The following NOS3 variants were observed in gnomAD, a reference collection of about 807,000 sequenced individuals.
NOS3 encodes nitric oxide synthase 3, also known as NOS type III.
NOS3 carries 98 observed loss-of-function variants against 144.9 expected under a neutral mutation model. The ratio of observed to expected loss-of-function variants is 0.68; its 90% CI spans 0.57 to 0.80. The LOEUF (loss-of-function observed/expected upper bound fraction) is 0.80. NOS3 is among the 30% of genes least tolerant of loss of function. The pLI, the probability that NOS3 is intolerant of heterozygous loss-of-function variation, is 0.00. For synonymous variants in NOS3, 714 were observed against 702.4 expected (o/e 1.02, Z -0.26); for missense variants, 1,465 against 1,656.4 (o/e 0.88, Z 2.01).
rs777962214 is a variant in NOS3, at chr7:151,003,560, T to G, written c.1752+1256T>G. 6 of 1,299,894 alleles carry G rather than the reference T, an allele frequency of 4.6e-6. No individual in the cohort carries two copies. Among genetic ancestry groups the G allele is most frequent in the Non-Finnish European group, 6.1e-6 (6 of 985,240 alleles). 80.5% of individuals were successfully genotyped at this position (1,299,894 alleles called of 1,614,324 possible). A position where few individuals can be genotyped will look rare whatever the true frequency, so the allele number is the denominator to read the frequency against. On this transcript the variant is annotated intron_variant, in intron 14 of 26. Transcript: ENST00000297494. This position sits in a 1 kb window ranked among gnomAD's most constrained non-coding sequence, Gnocchi z 4.1. ...GACTTTTTTTTAGCATAAAGGTGTA[T>G]AGACACCCATATAACCTACAGCCTT...
In NOS3 at chr7:151,010,813, G is replaced by A. The variant is rs1465544397; in HGVS notation, c.2896+6G>A. The A allele has an allele frequency of 4.3e-6, 7 of 1,609,428 alleles. No homozygotes were observed. The highest frequency in any genetic ancestry group is 5.9e-6 in the Non-Finnish European group (7 of 1,177,884). ...GCTGGCATACAGGACTCAGGGTGAG[G>A]CAACAAGCAGGAGCAGGCCTGGCCA... On this transcript the variant is annotated splice_donor_region_variant and intron_variant, in intron 22 of 26. Coordinates refer to ENST00000297494, the MANE Select transcript of NOS3 (RefSeq NM_000603.5).
Position 150,993,553 on chromosome 7 carries a change from A to G in NOS3, c.-51-200A>G, listed in dbSNP as rs1802299728. On this transcript the variant is annotated intron_variant, in intron 1 of 26. Transcript: ENST00000297494. The surrounding 1 kb of genome is among the most constrained non-coding windows in gnomAD (Gnocchi z 4.0). ...CTGCTGGACACCTGGGCTCCCACTT[A>G]TCAGCCTCAGTCCTCACAGCGGAAC... is the stretch of plus-strand genomic sequence containing the variant. Among the ~76,000 whole-genome samples, 1 of 151,754 alleles carries G rather than the reference A, an allele frequency of 6.6e-6. No individual in the cohort carries two copies. Among genetic ancestry groups the G allele is most frequent in the African/African-American group, 2.4e-5 (1 of 41,290 alleles).
chr7:151,011,312 C>G (rs1019640728), intron 23 of NOS3, among the ~76,000 whole-genome samples: 4 of 151,970 alleles, frequency 2.6e-5, no homozygotes, highest in African/African-American at 9.7e-5. Context: ...CTGGGAACTA[C>G]AGTCACTAAA....
intron 2 of NOS3, 115 bp from the exon 3 acceptor site, chr7:150,995,088 T>C: frequency 1.7e-6 from 1 of 593,678 alleles, no homozygotes; most frequent in Admixed American, 2.9e-5. Context: ...CCAGAAGGCA[T>C]GCGGCAGGTG....
At position 151,002,787 on chromosome 7, in the gene NOS3, G is replaced by A; in HGVS notation, c.1752+483G>A. The A allele has an allele frequency of 4.8e-6, 1 of 207,878 alleles. No individual in the cohort carries two copies. 12.9% of individuals were successfully genotyped at this position (207,878 alleles called of 1,614,324 possible). ...CCACAGAGCTGTACATTTACAACAT[G>A]TGCAACACTATTCCAGCATTTTATT... On this transcript the variant is annotated intron_variant, in intron 14 of 26. Coordinates refer to ENST00000297494, the MANE Select transcript of NOS3 (RefSeq NM_000603.5). The surrounding 1 kb of genome is among the most constrained non-coding windows in gnomAD (Gnocchi z 4.1).
rs757966114 is a variant in NOS3, at chr7:150,999,044, G to GC, written c.921dup (p.Glu308ArgfsTer5). The GC allele has an allele frequency of 6.2e-6, 10 of 1,612,514 alleles. No individual in the cohort carries two copies. Among genetic ancestry groups the GC allele is most frequent in the Non-Finnish European group, 8.5e-6 (10 of 1,179,870 alleles). ...ATGATCCCCCAGAACTCTTCCTTCT[G>GC]CCCCCCGAGCTGGTCCTTGAGGTGC... On this transcript the variant is annotated frameshift_variant, in exon 8 of 27. Coordinates refer to ENST00000297494, the MANE Select transcript of NOS3 (RefSeq NM_000603.5). LOFTEE classifies it high-confidence loss of function.
chr7:151,013,774 C>A lies in NOS3; in HGVS notation c.3306C>A (p.Arg1102=), dbSNP rs1223823596. Residue 1102 remains arginine, a synonymous_variant, in exon 26 of 27, where the codon CGC becomes CGA. Coordinates refer to ENST00000297494, the MANE Select transcript of NOS3 (RefSeq NM_000603.5). ...LRTELAAEVH[R]VLCLERGHMF... ...CGGAGCTGGCTGCGGAGGTGCACCG[C>A]GTGCTGTGCCTCGAGCGGGGCCACA... The A allele has an allele frequency of 6.2e-7, 1 of 1,611,558 alleles. No individual in the cohort carries two copies. The highest frequency in any genetic ancestry group is 8.5e-7 in the Non-Finnish European group (1 of 1,179,386).
At position 151,000,410 on chromosome 7, in the gene NOS3, G is replaced by A. The variant is rs1481800447; in HGVS notation, c.1132-88G>A. 1.3e-5 allele frequency: 11 copies of A among 860,610 alleles called. No individual in the cohort carries two copies. In the Admixed American group the frequency reaches 1.8e-4, roughly 14 times the overall value. 53.3% of individuals were successfully genotyped at this position (860,610 alleles called of 1,614,324 possible). A position where few individuals can be genotyped will look rare whatever the true frequency, so the allele number is the denominator to read the frequency against. On this transcript the variant is annotated intron_variant, in intron 9 of 26. Transcript: ENST00000297494. ...GACACCACTCACCTCACTCCTTCCA[G>A]CCATGTACGGGAAACAGAGATAGTC...
At position 151,003,896 on chromosome 7, in the gene NOS3, C is replaced by T. The variant is rs904223350; in HGVS notation, c.1752+1592C>T. The T allele has an allele frequency of 2.7e-5, 10 of 365,444 alleles. No homozygotes were observed. The highest frequency in any genetic ancestry group is 1.0e-4 in the Admixed American group (3 of 29,132). 22.6% of individuals were successfully genotyped at this position (365,444 alleles called of 1,614,324 possible). A position where few individuals can be genotyped will look rare whatever the true frequency, so the allele number is the denominator to read the frequency against. ...GGTGACACTTGGGCTGTTTCCAGGT[C>T]GGGGCTATTATGAATAAACCTGTTA... On this transcript the variant is annotated intron_variant, in intron 14 of 26. Transcript: ENST00000297494. This position sits in a 1 kb window ranked among gnomAD's most constrained non-coding sequence, Gnocchi z 4.1.
In NOS3 at chr7:150,993,423, G is replaced by T. The variant is rs764012820; in HGVS notation, c.-51-330G>T. ...AAGGCACACAGGGGTGAGGCCGAAG[G>T]CCCTTCCGTCTGGTGCCACATCACA... is the stretch of plus-strand genomic sequence containing the variant. On this transcript the variant is annotated intron_variant, in intron 1 of 26. Coordinates refer to ENST00000297494, the MANE Select transcript of NOS3 (RefSeq NM_000603.5). The surrounding 1 kb of genome is among the most constrained non-coding windows in gnomAD (Gnocchi z 4.0). Among the ~76,000 whole-genome samples the T allele has an allele frequency of 5.9e-4, 90 of 152,258 alleles. No individual in the cohort carries two copies. The highest frequency in any genetic ancestry group is 8.7e-4 in the Non-Finnish European group (59 of 67,998).
At position 151,003,035 on chromosome 7, in the gene NOS3, G is replaced by A; in HGVS notation, c.1752+731G>A. On this transcript the variant is annotated intron_variant, in intron 14 of 26. Coordinates refer to ENST00000297494, the MANE Select transcript of NOS3 (RefSeq NM_000603.5). The surrounding 1 kb of genome is among the most constrained non-coding windows in gnomAD (Gnocchi z 4.1). ...TCTTGCAAGCTTAGGTATCTCTGAGGTGCCCCAGGCTAGGCTCATTTCTGA... is the reference window on the plus strand; with the variant it reads ...TCTTGCAAGCTTAGGTATCTCTGAGATGCCCCAGGCTAGGCTCATTTCTGA... The A allele has an allele frequency of 3.2e-6, 1 of 311,744 alleles. No individual in the cohort carries two copies. Among genetic ancestry groups the A allele is most frequent in the Non-Finnish European group, 6.3e-6 (1 of 158,318 alleles). The allele number at this position is 311,744 out of a possible 1,614,324, so 19.3% of individuals were successfully genotyped here.
rs1349149913 is a variant in NOS3, at chr7:150,993,628, C to G, written c.-51-125C>G. 1.6e-6 allele frequency: 1 copy of G among 631,278 alleles called. No homozygotes were observed. 39.1% of individuals were successfully genotyped at this position (631,278 alleles called of 1,614,324 possible). A position where few individuals can be genotyped will look rare whatever the true frequency, so the allele number is the denominator to read the frequency against. On this transcript the variant is annotated intron_variant, in intron 1 of 26. Coordinates refer to ENST00000297494, the MANE Select transcript of NOS3 (RefSeq NM_000603.5). This position sits in a 1 kb window ranked among gnomAD's most constrained non-coding sequence, Gnocchi z 4.0. ...CAGGCCAGCGGGCGTGGAGCTGAGG[C>G]TTTAGAGCCTCCCAGCCGGGCTTGT...
At chr7:150,995,461 G>A (rs1165031713) in intron 3 of NOS3, 147 bp downstream of exon 3, 4 of 585,518 alleles carry the variant, frequency 6.8e-6, no homozygotes, top group African/African-American at 1.9e-5. Context: ...AGAACCAGAG[G>A]AGTTGAGGGA....
At position 151,002,074 on chromosome 7, in the gene NOS3, C is replaced by T. The variant is rs1795117495; in HGVS notation, c.1647+109C>T. On this transcript the variant is annotated intron_variant, in intron 13 of 26. Transcript: ENST00000297494. The surrounding 1 kb of genome is among the most constrained non-coding windows in gnomAD (Gnocchi z 4.1). ...GTTACAAGTCAGGACTCATGAGGAA[C>T]CCGGAACCACAGGTGTTCAGAGATC... The T allele has an allele frequency of 1.4e-6, 2 of 1,474,458 alleles. No individual in the cohort carries two copies. Among genetic ancestry groups the T allele is most frequent in the Non-Finnish European group, 1.9e-6 (2 of 1,072,326 alleles). The allele number at this position is 1,474,458 out of a possible 1,614,324, so 91.3% of individuals were successfully genotyped here.
Position 151,001,251 on chromosome 7 carries a change from G to T in NOS3, c.1254G>T (p.Val418=). The change falls in exon 11 of 27, where the codon GTG becomes GTT. Residue 418 remains valine (V), a synonymous_variant. Coordinates refer to ENST00000297494, the MANE Select transcript of NOS3 (RefSeq NM_000603.5). ...TCCAGCTAGCCAAAGTCACCATCGT[G>T]GACCACCACGCCGCCACGGCCTCTT... is the stretch of plus-strand genomic sequence containing the variant. The part of the protein sequence containing the change: ...HSYQLAKVTI[V]DHHAATASFM... The T allele has an allele frequency of 6.2e-7, 1 of 1,613,496 alleles. No individual in the cohort carries two copies. Among genetic ancestry groups the T allele is most frequent in the Non-Finnish European group, 8.5e-7 (1 of 1,179,942 alleles).
intron 9 of NOS3, among the ~76,000 whole-genome samples, chr7:151,000,058 G>A (rs925064433): frequency 1.2e-4 from 18 of 144,934 alleles, no homozygotes; most frequent in African/African-American, 3.6e-4. Flanking sequence ...TGTGTAGGCG[G>A]TGAGTGTGAA....
At chr7:150,995,098 G>C in intron 2 of NOS3, 105 bp from the exon 3 acceptor site, 1 of 610,706 alleles carries the variant, frequency 1.6e-6, no homozygotes, top group Admixed American at 2.9e-5. Context: ...TGCGGCAGGT[G>C]GGCTGTGAGA....
rs866225522 is a variant in NOS3 at position 151,002,077 on chromosome 7, G to A, written c.1647+112G>A. 18 of 1,460,854 alleles carry A rather than the reference G, an allele frequency of 1.2e-5. No homozygotes were observed. Among genetic ancestry groups the A allele is most frequent in the Middle Eastern group, 1.8e-4 (1 of 5,560 alleles). The allele number at this position is 1,460,854 out of a possible 1,614,324, so 90.5% of individuals were successfully genotyped here. ...ACAAGTCAGGACTCATGAGGAACCC[G>A]GAACCACAGGTGTTCAGAGATCAAG... On this transcript the variant is annotated intron_variant, in intron 13 of 26. Transcript: ENST00000297494. This position sits in a 1 kb window ranked among gnomAD's most constrained non-coding sequence, Gnocchi z 4.1.
In NOS3 at chr7:150,998,247, T is replaced by C. The variant is rs1343340112; in HGVS notation, c.583-110T>C. On this transcript the variant is annotated intron_variant, in intron 5 of 26. Coordinates refer to ENST00000297494, the MANE Select transcript of NOS3 (RefSeq NM_000603.5). This position sits in a 1 kb window ranked among gnomAD's most constrained non-coding sequence, Gnocchi z 5.0. ...GCTGCCAATGGTCAGGAGGGCGCCA[T>C]GGAGTGAACCATGGCCCCTGCCTCC... 2 of 911,896 alleles carry C rather than the reference T, an allele frequency of 2.2e-6. No homozygotes were observed. The highest frequency in any genetic ancestry group is 2.2e-5 in the Admixed American group (1 of 45,704). The allele number at this position is 911,896 out of a possible 1,614,324, so 56.5% of individuals were successfully genotyped here.
Sources: gnomAD v4.1 joint callset for allele counts (sites outside exome capture counted in the v4.1 genomes callset) on GRCh38, gnomAD v4.1.1 for gene constraint, Gnocchi (gnomAD v3.1) non-coding constraint, MANE v1.5 for transcripts, NCBI Gene and HGNC (gene_info 2026-07-23, HGNC 2026-07-21) for gene names.